The following ZNF385D variants were observed in gnomAD, a reference collection of about 807,000 sequenced individuals.
The protein encoded by ZNF385D is zinc finger protein 659.
Under a neutral mutation model 35.8 loss-of-function variants are expected in ZNF385D, and 15 were observed. The observed-to-expected ratio is 0.42, with a 90% CI of 0.28 to 0.64. The LOEUF (loss-of-function observed/expected upper bound fraction) is 0.64, where lower values mean the gene tolerates loss of function less well. Among genes scored for constraint, ZNF385D ranks in the 30% least tolerant of loss-of-function variants. The probability of loss-of-function intolerance (pLI) is 0.23; values close to 1 mark genes in which losing one functional copy is unlikely to be tolerated. For missense variants in ZNF385D, 474 were observed against 494.6 expected, an observed-to-expected ratio of 0.96 and a Z score of 0.39; for synonymous variants, 212 against 186.8, an observed-to-expected ratio of 1.13 and a Z score of -1.10.
chr3:21,618,354 C>G (rs565225873), intron 2 of ZNF385D, among the ~76,000 whole-genome samples: 1 of 152,128 alleles, frequency 6.6e-6, no homozygotes, highest in Non-Finnish European at 1.5e-5. Flanking sequence ...TTTTCTGAAG[C>G]CAGCAGAAGC....
At chr3:21,652,281 G>A (rs990727288) in intron 2 of ZNF385D, among the ~76,000 whole-genome samples, 1 of 151,868 alleles carries the variant, frequency 6.6e-6, no homozygotes, top group South Asian at 2.1e-4. Flanking sequence ...CTACTATAAG[G>A]CTTTTGAACA....
In ZNF385D at chr3:22,208,717, T is replaced by TA. The variant is rs35531397; in HGVS notation, c.107-39683dup. ...TTATGTACCCACAAAAAGTAAAAATTAAAAAAAAAATTTAAAAAATAATTA... is the reference window on the plus strand; with the variant it reads ...TTATGTACCCACAAAAAGTAAAAATTAAAAAAAAAAATTTAAAAAATAATTA... On this transcript the variant is annotated intron_variant, in intron 2 of 5. Transcript: ENST00000494108. Among the ~76,000 whole-genome samples the TA allele has an allele frequency of 2.7e-5, 4 of 150,612 alleles. No homozygotes were observed. The East Asian group carries it at 5.9e-4, about 22-fold the overall frequency.
chr3:21,543,219 G>T (rs2062242368), intron 3 of ZNF385D, among the ~76,000 whole-genome samples: 1 of 152,182 alleles, frequency 6.6e-6, no homozygotes, highest in South Asian at 2.1e-4. Context: ...GCTGAGGCAG[G>T]AGAATCACTT....
intron 3 of ZNF385D, among the ~76,000 whole-genome samples, chr3:21,811,278 T>G (rs2072910131): frequency 6.6e-6 from 1 of 152,060 alleles, no homozygotes; most frequent in African/African-American, 2.4e-5. Context: ...ATAGTGGTAT[T>G]TAAATAACAT....
intron 3 of ZNF385D, among the ~76,000 whole-genome samples, chr3:22,127,350 T>C (rs1338181919): frequency 3.4e-5 from 2 of 59,014 alleles, no homozygotes; most frequent in African/African-American, 1.3e-4. Flanking sequence ...TTTTTTTTTT[T>C]TTTTTTTGAG....
At chr3:22,012,807 C>A (rs1696660384) in intron 3 of ZNF385D, among the ~76,000 whole-genome samples, 1 of 152,064 alleles carries the variant, frequency 6.6e-6, no homozygotes, top group African/African-American at 2.4e-5. Context: ...AACTGGTAAT[C>A]AGCTCCTGTC....
At chr3:21,734,914 C>G (rs1047029546) in intron 1 of ZNF385D, among the ~76,000 whole-genome samples, 1 of 150,824 alleles carries the variant, frequency 6.6e-6, no homozygotes, top group Non-Finnish European at 1.5e-5. Flanking sequence ...ATGATGCACA[C>G]TGCTGACAGT....
chr3:21,970,180 G>C (rs191257618), intron 3 of ZNF385D, among the ~76,000 whole-genome samples: 5 of 152,010 alleles, frequency 3.3e-5, no homozygotes, highest in Non-Finnish European at 7.4e-5. Flanking sequence ...ACACTGACAA[G>C]CATTAAAACC....
chr3:21,668,124 G>A (rs887419370), intron 1 of ZNF385D, among the ~76,000 whole-genome samples: 4 of 152,058 alleles, frequency 2.6e-5, no homozygotes, highest in Non-Finnish European at 4.4e-5. Flanking sequence ...AACCCCCTTC[G>A]GCACCAAGGC....
Position 21,473,386 on chromosome 3 carries a change from A to T in ZNF385D, c.440-36183T>A, listed in dbSNP as rs143724438. ...TTTTCTTCCAATTAGATTACGTGAG[A>T]TTGAAGGAACAAATTTCTGCCTCTT... On this transcript the variant is annotated intron_variant, in intron 4 of 7. Coordinates refer to ENST00000281523, the MANE Select transcript of ZNF385D (RefSeq NM_024697.3). 3.3e-3 allele frequency among the ~76,000 whole-genome samples: 506 copies of T among 152,174 alleles called. 5 individuals are homozygous for T. Among genetic ancestry groups the T allele is most frequent in the African/African-American group, 0.012 (486 of 41,536 alleles).
chr3:22,077,952 G>T (rs948280060), intron 3 of ZNF385D, among the ~76,000 whole-genome samples: 19 of 151,920 alleles, frequency 1.3e-4, no homozygotes, highest in Non-Finnish European at 2.4e-4. Context: ...TGCACTGATG[G>T]CTGACAACCT....
At chr3:22,271,086 T>C (rs1221145300) in intron 2 of ZNF385D, among the ~76,000 whole-genome samples, 2 of 151,976 alleles carry the variant, frequency 1.3e-5, no homozygotes, top group Admixed American at 6.6e-5. Flanking sequence ...CTCACTATCT[T>C]GAGCCAGAGA....
intron 2 of ZNF385D, among the ~76,000 whole-genome samples, chr3:22,182,844 TAG>T (rs1235161301): frequency 1.3e-5 from 2 of 152,048 alleles, no homozygotes; most frequent in Non-Finnish European, 2.9e-5. Flanking sequence ...ACATATACAA[TAG>T]AGATTTTTTT....
At chr3:21,602,724 G>A (rs1298463386) in intron 2 of ZNF385D, among the ~76,000 whole-genome samples, 2 of 150,478 alleles carry the variant, frequency 1.3e-5, no homozygotes, top group African/African-American at 4.9e-5. Flanking sequence ...TAGTAGAGAC[G>A]GGGTTTCACC....
intron 4 of ZNF385D, chr3:21,443,380 T>C: frequency 1.0e-6 from 1 of 982,884 alleles, no homozygotes; most frequent in Non-Finnish European, 1.2e-6. Flanking sequence ...ATATGGCATA[T>C]AGTCTCCATT....
chr3:21,525,784 T>G (rs1020034402), intron 3 of ZNF385D, among the ~76,000 whole-genome samples: 20 of 152,106 alleles, frequency 1.3e-4, no homozygotes, highest in African/African-American at 4.6e-4. Context: ...AATCTCCAAA[T>G]TGTTTGAATT....
At chr3:21,857,320 T>G (rs942917710) in intron 3 of ZNF385D, among the ~76,000 whole-genome samples, 1 of 152,128 alleles carries the variant, frequency 6.6e-6, no homozygotes, top group Non-Finnish European at 1.5e-5. Context: ...CAAGGTTTCT[T>G]GATGTTTTGC....
chr3:21,483,086 A>T (rs561435851), intron 4 of ZNF385D, among the ~76,000 whole-genome samples: 2 of 151,752 alleles, frequency 1.3e-5, no homozygotes, highest in African/African-American at 4.8e-5. Flanking sequence ...TGTAATCATC[A>T]TCATGATCAG....
intron 2 of ZNF385D, among the ~76,000 whole-genome samples, chr3:22,258,601 A>T (rs1700438467): frequency 6.6e-6 from 1 of 151,724 alleles, no homozygotes; most frequent in South Asian, 2.1e-4. Flanking sequence ...CCTACTGCAG[A>T]AGTTTTCAAA....
Sources: allele counts gnomAD v4.1 joint callset (sites outside exome capture counted in the v4.1 genomes callset), GRCh38; gene constraint gnomAD v4.1.1; transcripts MANE v1.5; gene names NCBI Gene and HGNC (gene_info 2026-07-23, HGNC 2026-07-21).